Variants in ZNF500 observed in about 807,000 individuals in gnomAD.
The protein encoded by ZNF500 is zinc finger protein with KRAB and SCAN domains 18.
In ZNF500, 31 loss-of-function variants were observed where a neutral mutation model predicts 30.1. That is an observed-to-expected ratio of 1.03 (90% CI 0.77 to 1.39). The LOEUF is 1.39. Among genes scored for constraint, ZNF500 ranks in the 40% most tolerant of loss-of-function variants. The probability of loss-of-function intolerance (pLI) is 0.00; values close to 1 mark genes in which losing one functional copy is unlikely to be tolerated. For synonymous variants in ZNF500, 392 were observed against 282.0 expected (o/e 1.39, Z -3.91); for missense variants, 817 against 657.8 (o/e 1.24, Z -2.65).
intron 2 of ZNF500, chr16:4,763,215 T>G (rs917162749): frequency 1.5e-6 from 1 of 666,998 alleles, no homozygotes; most frequent in East Asian, 1.4e-4. Flanking sequence ...CTAACCAACA[T>G]GGTGAAACCC....
rs536860629 is a variant in ZNF500, at chr16:4,765,865, G to A, written c.114C>T (p.Ser38=). 71 of 1,613,720 alleles carry A rather than the reference G, an allele frequency of 4.4e-5. 1 individual carries two copies. Among genetic ancestry groups the A allele is most frequent in the South Asian group, 4.2e-4 (38 of 91,080 alleles). Residue 38 remains serine (S), a synonymous_variant, in exon 2 of 6, where the codon TCC becomes TCT. Transcript: ENST00000219478. ...CAGGGCTGGGGTCCTCCGTCTCCAC[G>A]GAGGGCTCCTCTTCCAAGCAGAAGT... ...EEDFCLEEEP[S]VETEDPSPET...
chr16:4,753,298 A>C, intron 5 of ZNF500: 2 of 687,318 alleles, frequency 2.9e-6, no homozygotes, highest in South Asian at 3.9e-5. Flanking sequence ...TCGTCTCTAC[A>C]GAAAATAAAC....
intron 2 of ZNF500, chr16:4,764,147 G>T: frequency 1.0e-6 from 1 of 955,040 alleles, no homozygotes; most frequent in Non-Finnish European, 1.2e-6. Context: ...GGTCCTGTCT[G>T]TGCCATCCAG....
chr16:4,765,831 G>T lies in ZNF500; in HGVS notation c.148C>A (p.Arg50Ser). Reference protein sequence around the residue: ...ETEDPSPETFRQLFRLFCYQE... With the variant: ...ETEDPSPETFSQLFRLFCYQE... ...TAGCAGAAGAGCCGGAAGAGCTGGC[G>T]GAAAGTCTCAGGGCTGGGGTCCTCC... The change falls in exon 2 of 6, where the codon CGC becomes AGC. Residue 50 changes from arginine (R) to serine (S), a missense_variant. By Grantham distance (110) the Arg-to-Ser change is moderately radical. Coordinates refer to ENST00000219478, the MANE Select transcript of ZNF500 (RefSeq NM_021646.4). The T allele has an allele frequency of 1.2e-6, 2 of 1,613,632 alleles. No individual in the cohort carries two copies. The highest frequency in any genetic ancestry group is 1.7e-6 in the Non-Finnish European group (2 of 1,179,986).
At chr16:4,755,847 T>C (rs1033082762) in intron 5 of ZNF500, among the ~76,000 whole-genome samples, 2 of 152,142 alleles carry the variant, frequency 1.3e-5, no homozygotes, top group African/African-American at 2.4e-5. Flanking sequence ...ACGTGGTCTA[T>C]CCATACAGTG....
chr16:4,761,680 A>C (rs968736238), intron 4 of ZNF500, among the ~76,000 whole-genome samples: 2 of 150,892 alleles, frequency 1.3e-5, no homozygotes, highest in African/African-American at 4.9e-5. Context: ...ACTGTGTCCC[A>C]TTAAAAAAAA....
chr16:4,752,108 T>G lies in ZNF500; in HGVS notation c.*268A>C. 1 of 1,336,020 alleles carries G rather than the reference T, an allele frequency of 7.5e-7. No individual in the cohort carries two copies. The highest frequency in any genetic ancestry group is 2.2e-5 in the South Asian group (1 of 45,004). 82.8% of individuals were successfully genotyped at this position (1,336,020 alleles called of 1,614,324 possible). ...CCTTGAGTGTCGGCTTCTGGCCTCC[T>G]GAGTGTGTCTCTGTGGCTGAAGCCC... On this transcript the variant is annotated 3_prime_UTR_variant, in exon 6 of 6. Coordinates refer to ENST00000219478, the MANE Select transcript of ZNF500 (RefSeq NM_021646.4).
chr16:4,745,952 CAAAA>C (rs58259917), downstream of ZNF500, among the ~76,000 whole-genome samples: 1 of 113,500 alleles, frequency 8.8e-6, no homozygotes, highest in Non-Finnish European at 1.8e-5. Flanking sequence ...GACTCTGTCT[CAAAA>C]AAAAAAAAAA....
chr16:4,746,204 C>T, downstream of ZNF500: 1 of 655,362 alleles, frequency 1.5e-6, no homozygotes, highest in Non-Finnish European at 2.5e-6. Context: ...TGGCCTAAAT[C>T]TCGCATGCTG....
chr16:4,747,712 T>C, downstream of ZNF500: 1 of 1,448,774 alleles, frequency 6.9e-7, no homozygotes, highest in Non-Finnish European at 9.2e-7. Context: ...TTGTTGTTCC[T>C]GCATTTCCAC....
In ZNF500 at chr16:4,762,672, C is replaced by A. The variant is rs2082219377; in HGVS notation, c.499G>T (p.Asp167Tyr). 1.9e-6 allele frequency: 3 copies of A among 1,614,034 alleles called. No individual in the cohort carries two copies. The highest frequency in any genetic ancestry group is 2.5e-6 in the Non-Finnish European group (3 of 1,179,996). Reference sequence around the variant, plus strand: ...CGAGCCTCTTCCTCCAGGGACAGATCCTCTGGCTGAGCCTCTGCCTGGTGT... The same window carrying A: ...CGAGCCTCTTCCTCCAGGGACAGATACTCTGGCTGAGCCTCTGCCTGGTGT... The part of the protein sequence containing the change: ...LKHQAEAQPE[D>Y]LSLEEEARFS... Residue 167 changes from aspartate to tyrosine, a missense_variant, in exon 3 of 6, where the codon GAT (aspartate) becomes TAT (tyrosine). By Grantham distance (160) the Asp-to-Tyr change is radical (BLOSUM62 -3). Transcript: ENST00000219478.
At chr16:4,754,056 C>T (rs1381730910) in intron 5 of ZNF500, among the ~76,000 whole-genome samples, 1 of 152,228 alleles carries the variant, frequency 6.6e-6, no homozygotes, top group African/African-American at 2.4e-5. Flanking sequence ...TCTTCCTTTG[C>T]AGCATGAGGG....
At chr16:4,766,937 G>A (rs113508566) in intron 1 of ZNF500, 80 bp downstream of exon 1, 1 of 152,270 alleles carries the variant, frequency 6.6e-6, no homozygotes. Context: ...CCGAGGCCGC[G>A]GCACAGACCC....
At chr16:4,762,404 C>G in intron 3 of ZNF500, 69 bp from the exon 4 acceptor site, 1 of 1,539,906 alleles carries the variant, frequency 6.5e-7, no homozygotes, top group Admixed American at 1.9e-5. Context: ...CCCCTGCACA[C>G]CAAGGCCCCA....
chr16:4,753,458 T>A (rs1222915579), intron 5 of ZNF500, among the ~76,000 whole-genome samples: 1 of 152,128 alleles, frequency 6.6e-6, no homozygotes, highest in Non-Finnish European at 1.5e-5. Context: ...TGAGACCCTG[T>A]TTCAAAAACT....
Position 4,767,075 on chromosome 16 carries a change from G to A in ZNF500, c.-157C>T, listed in dbSNP as rs1342140565. On this transcript the variant is annotated 5_prime_UTR_variant, in exon 1 of 6. Coordinates refer to ENST00000219478, the MANE Select transcript of ZNF500 (RefSeq NM_021646.4). ...AGGACCGGAGCGGCGGGTCTCGGCG[G>A]GAGTAGGACTGCGGGCCTCAGGCTT... is the stretch of plus-strand genomic sequence containing the variant. 6.6e-6 allele frequency: 1 copy of A among 152,368 alleles called. No individual in the cohort carries two copies. The highest frequency in any genetic ancestry group is 1.5e-5 in the Non-Finnish European group (1 of 68,134). The allele number at this position is 152,368 out of a possible 1,614,324, so 9.4% of individuals were successfully genotyped here.
rs201445600 is a variant in ZNF500 at position 4,765,819 on chromosome 16, G to A, written c.160C>T (p.Arg54Trp). The A allele has an allele frequency of 1.9e-5, 30 of 1,613,394 alleles. No individual in the cohort carries two copies. The highest frequency in any genetic ancestry group is 1.6e-4 in the Middle Eastern group (1 of 6,082). ...GCCACCTCCTGGTAGCAGAAGAGCC[G>A]GAAGAGCTGGCGGAAAGTCTCAGGG... ...PSPETFRQLF[R>W]LFCYQEVAGP... The change falls in exon 2 of 6, where the codon CGG (arginine) becomes TGG (tryptophan). Residue 54 changes from arginine to tryptophan, a missense_variant. Arg to Trp is a moderately radical substitution (Grantham distance 101). Transcript: ENST00000219478.
intron 5 of ZNF500, among the ~76,000 whole-genome samples, chr16:4,754,917 C>T (rs2082121016): frequency 6.6e-6 from 1 of 152,018 alleles, no homozygotes; most frequent in Admixed American, 6.6e-5. Flanking sequence ...TGGTACTGTC[C>T]TGACAATGGT....
intron 2 of ZNF500, chr16:4,764,148 T>C: frequency 1.0e-6 from 1 of 956,368 alleles, no homozygotes; most frequent in South Asian, 4.8e-5. Flanking sequence ...GTCCTGTCTG[T>C]GCCATCCAGT....
Sources: allele counts gnomAD v4.1 joint callset (sites outside exome capture counted in the v4.1 genomes callset), GRCh38; gene constraint gnomAD v4.1.1; transcripts MANE v1.5; gene names NCBI Gene and HGNC (gene_info 2026-07-23, HGNC 2026-07-21).